The following SMG6 variants were observed in gnomAD, a reference collection of about 807,000 sequenced individuals.
SMG6 encodes the protein telomerase-binding protein EST1A.
A neutral mutation model predicts 142.2 loss-of-function variants in SMG6; 66 were observed. That is an observed-to-expected ratio of 0.46 (90% CI 0.38 to 0.57). The LOEUF is 0.57. Among genes scored for constraint, SMG6 ranks in the 20% least tolerant of loss-of-function variants. SMG6 has a pLI of 0.00. For missense variants in SMG6, 1,793 were observed against 1,832.0 expected, an observed-to-expected ratio of 0.98 and a Z score of 0.39; for synonymous variants, 779 against 702.4, an observed-to-expected ratio of 1.11 and a Z score of -1.72.
intron 8 of SMG6, chr17:2,256,215 A>T (rs1696586573): frequency 6.6e-6 from 1 of 152,614 alleles, no homozygotes; most frequent in Non-Finnish European, 1.5e-5. Context: ...AAGAAAAAAA[A>T]AAAAGAAAAC....
In SMG6 at chr17:2,061,704, G is replaced by A. The variant is rs945435028; in HGVS notation, c.4130-82C>T. The stretch of plus-strand genomic sequence containing the variant: ...TGCTCTTCTCACCCTGGAGAATGTG[G>A]TCCTGGGGAGGGGGTGCCACGCTAG... On this transcript the variant is annotated intron_variant, in intron 18 of 18. Coordinates refer to ENST00000263073, the MANE Select transcript of SMG6 (RefSeq NM_017575.5). 2.7e-6 allele frequency: 4 copies of A among 1,462,642 alleles called. No homozygotes were observed. The African/African-American group carries it at 4.2e-5, about 15-fold the overall frequency. 90.6% of individuals were successfully genotyped at this position (1,462,642 alleles called of 1,614,324 possible).
intron 1 of SMG6, 29 bp from the exon 2 acceptor site, chr17:2,300,693 G>T: frequency 1.3e-6 from 2 of 1,528,048 alleles, no homozygotes; most frequent in Non-Finnish European, 1.8e-6. Context: ...AGTTTGGGAG[G>T]GAAAGGTAGA....
intron 13 of SMG6, among the ~76,000 whole-genome samples, chr17:2,128,154 C>G (rs1455277498): frequency 2.6e-5 from 4 of 152,220 alleles, no homozygotes; most frequent in Non-Finnish European, 5.9e-5. Context: ...CAGGGCAAGG[C>G]CCCACAGGCA....
At position 2,068,724 on chromosome 17, in the gene SMG6, G is replaced by A. The variant is rs954384801; in HGVS notation, c.3835+54C>T. The A allele has an allele frequency of 3.1e-5, 49 of 1,575,960 alleles. No homozygotes were observed. In the Admixed American group the frequency reaches 4.8e-4, roughly 16 times the overall value. ...GGCCCCCAGGCCGTGGGGCGTGTGT[G>A]GAGGGGGCTGCTGTGCACATGCAAG... is the stretch of plus-strand genomic sequence containing the variant. On this transcript the variant is annotated intron_variant, in intron 16 of 18. Transcript: ENST00000263073. This position sits in a 1 kb window ranked among gnomAD's most constrained non-coding sequence, Gnocchi z 6.7.
At chr17:2,251,268 T>TAA (rs777571597) in intron 8 of SMG6, among the ~76,000 whole-genome samples, 1 of 136,508 alleles carries the variant, frequency 7.3e-6, no homozygotes, top group Non-Finnish European at 1.6e-5. Context: ...ATATACAGAT[T>TAA]AAAAAAAAAA....
chr17:2,211,111 A>AAAT lies in SMG6; in HGVS notation c.2870-22597_2870-22596insATT, dbSNP rs2072845674. 2.6e-5 allele frequency among the ~76,000 whole-genome samples: 4 copies of AAAT among 151,682 alleles called. No homozygotes were observed. The South Asian group carries it at 8.3e-4, about 32-fold the overall frequency. ...GGAGCTGGATTTTATTAAAAAAAAA[A>AAAT]AAATAGAAAAAAGATACATAGAACA... On this transcript the variant is annotated intron_variant, in intron 10 of 18. Coordinates refer to ENST00000263073, the MANE Select transcript of SMG6 (RefSeq NM_017575.5).
chr17:2,268,831 G>A (rs944538927), intron 8 of SMG6, among the ~76,000 whole-genome samples: 3 of 151,760 alleles, frequency 2.0e-5, no homozygotes, highest in Non-Finnish European at 4.4e-5. Context: ...AGAATGGCAT[G>A]AACCCGGGAG....
intron 13 of SMG6, among the ~76,000 whole-genome samples, chr17:2,145,188 A>C (rs1292513940): frequency 6.6e-6 from 1 of 151,908 alleles, no homozygotes; most frequent in Non-Finnish European, 1.5e-5. Context: ...AAATCGGTTC[A>C]CTGCAACATC....
At chr17:2,095,127 A>T (rs1396511640) in intron 13 of SMG6, 1 of 152,206 alleles carries the variant, frequency 6.6e-6, no homozygotes, top group Non-Finnish European at 1.5e-5. Flanking sequence ...TGAAACCTGG[A>T]ACACAGGCGC....
At chr17:2,076,776 C>T (rs892721257) in intron 15 of SMG6, among the ~76,000 whole-genome samples, 1 of 152,212 alleles carries the variant, frequency 6.6e-6, no homozygotes, top group Admixed American at 6.5e-5. Flanking sequence ...AGGAGGCTGA[C>T]AGGAGGCAGG....
chr17:2,142,622 G>T (rs926465117), intron 13 of SMG6, among the ~76,000 whole-genome samples: 1 of 152,050 alleles, frequency 6.6e-6, no homozygotes, highest in African/African-American at 2.4e-5. Flanking sequence ...AGTGGCTCAC[G>T]CCTGTAATCC....
At chr17:2,114,006 G>A (rs2069421022) in intron 13 of SMG6, among the ~76,000 whole-genome samples, 1 of 152,114 alleles carries the variant, frequency 6.6e-6, no homozygotes, top group South Asian at 2.1e-4. Context: ...GGTGGCTCAC[G>A]CCTGTAATCT....
intron 1 of SMG6, among the ~76,000 whole-genome samples, chr17:2,301,055 G>A (rs1048893415): frequency 6.6e-6 from 1 of 152,188 alleles, no homozygotes; most frequent in African/African-American, 2.4e-5. Flanking sequence ...TATAGAGCCT[G>A]TGAATCCACC....
chr17:2,121,587 CTGTGTGTGTGTGTGTGTG>C (rs71150850), intron 13 of SMG6, among the ~76,000 whole-genome samples: 16,928 of 139,428 alleles, frequency 0.12, 1,238 homozygotes, highest in Middle Eastern at 0.16. Context: ...ACATGTCTGT[CTGTGTGTGTGTGTGTGTG>C]TGTGTGTGTG....
At chr17:2,096,717 G>A (rs1037369104) in intron 13 of SMG6, among the ~76,000 whole-genome samples, 3 of 152,020 alleles carry the variant, frequency 2.0e-5, no homozygotes, top group Admixed American at 6.6e-5. Flanking sequence ...CTTTCGTAAC[G>A]CCCTACTATG....
intron 13 of SMG6, among the ~76,000 whole-genome samples, chr17:2,128,817 C>CAAAAAAA (rs367580981): frequency 6.8e-5 from 5 of 73,070 alleles, no homozygotes; most frequent in Admixed American, 1.7e-4. Context: ...GAGCAAGACT[C>CAAAAAAA]AAAAAAAAAA....
At chr17:2,066,966 A>G (rs910544988) in intron 16 of SMG6, among the ~76,000 whole-genome samples, 8 of 152,188 alleles carry the variant, frequency 5.3e-5, no homozygotes, top group African/African-American at 1.9e-4. Context: ...ACAAGAAGGG[A>G]AAGCTGGCGG....
intron 8 of SMG6, among the ~76,000 whole-genome samples, chr17:2,271,838 T>C (rs1306909267): frequency 6.6e-6 from 1 of 152,182 alleles, no homozygotes; most frequent in East Asian, 1.9e-4. Flanking sequence ...AGAGAGACAC[T>C]AGCATGTTTG....
intron 13 of SMG6, among the ~76,000 whole-genome samples, chr17:2,154,086 G>A (rs2070922792): frequency 7.1e-6 from 1 of 140,618 alleles, no homozygotes; most frequent in Non-Finnish European, 1.6e-5. Context: ...GGGGAACCTG[G>A]GGATGCATGT....
Sources: gnomAD v4.1 joint callset for allele counts (sites outside exome capture counted in the v4.1 genomes callset) on GRCh38, gnomAD v4.1.1 for gene constraint, Gnocchi (gnomAD v3.1) non-coding constraint, MANE v1.5 for transcripts, NCBI Gene and HGNC (gene_info 2026-07-23, HGNC 2026-07-21) for gene names.